Variants in R3HDM1 observed in about 807,000 individuals in gnomAD.
R3HDM1 encodes the protein R3H domain-containing protein 1.
R3HDM1 carries 46 observed loss-of-function variants against 141.1 expected under a neutral mutation model. The ratio of observed to expected loss-of-function variants is 0.33; its 90% CI spans 0.26 to 0.42. R3HDM1 has a LOEUF of 0.42. Ranked by LOEUF, R3HDM1 falls within the 10% of genes least tolerant of loss-of-function variation. The pLI is 1.00. For synonymous variants in R3HDM1, 435 were observed against 472.9 expected, an observed-to-expected ratio of 0.92 and a Z score of 1.04; for missense variants, 1,184 against 1,368.3, an observed-to-expected ratio of 0.87 and a Z score of 2.12.
chr2:135,700,474 A>G (rs2074048688), intron 21 of R3HDM1, among the ~76,000 whole-genome samples: 1 of 152,208 alleles, frequency 6.6e-6, no homozygotes, highest in African/African-American at 2.4e-5. Flanking sequence ...CTATTAAGTA[A>G]TATTATTAAG....
intron 15 of R3HDM1, among the ~76,000 whole-genome samples, chr2:135,644,169 A>G (rs938951757): frequency 6.6e-6 from 1 of 152,164 alleles, no homozygotes; most frequent in African/African-American, 2.4e-5. Flanking sequence ...TTCTTAAAAC[A>G]AATGTTACTT....
chr2:135,637,800 T>C (rs896429333), intron 11 of R3HDM1, among the ~76,000 whole-genome samples: 2 of 152,218 alleles, frequency 1.3e-5, no homozygotes, highest in Non-Finnish European at 2.9e-5. Flanking sequence ...GTTTCGTTTT[T>C]TACTTTTGGC....
At chr2:135,702,649 C>CAA (rs753918013) in intron 21 of R3HDM1, among the ~76,000 whole-genome samples, 15 of 71,410 alleles carry the variant, frequency 2.1e-4, no homozygotes, top group Non-Finnish European at 2.7e-4. Context: ...GACTCCGTCT[C>CAA]AAAAAAAAAA....
At chr2:135,683,534 GCA>G (rs2070715029) in intron 21 of R3HDM1, among the ~76,000 whole-genome samples, 1 of 136,734 alleles carries the variant, frequency 7.3e-6, no homozygotes, top group Non-Finnish European at 1.5e-5. Context: ...AGCCTGGGCA[GCA>G]GAGTAAGAAC....
At chr2:135,658,953 T>C (rs2066275780) in intron 18 of R3HDM1, among the ~76,000 whole-genome samples, 1 of 152,096 alleles carries the variant, frequency 6.6e-6, no homozygotes. Context: ...TCAGAGGCAG[T>C]AACACACGTG....
At chr2:135,539,130 TA>T (rs1696894152) in intron 1 of R3HDM1, among the ~76,000 whole-genome samples, 1 of 152,194 alleles carries the variant, frequency 6.6e-6, no homozygotes, top group East Asian at 1.9e-4. Flanking sequence ...TTTTCTGGAA[TA>T]CCTCTTCAAG....
chr2:135,698,978 C>G (rs549396560), intron 21 of R3HDM1, among the ~76,000 whole-genome samples: 21 of 129,944 alleles, frequency 1.6e-4, no homozygotes, highest in African/African-American at 5.1e-4. Flanking sequence ...CAATATTACA[C>G]TCAGATAGAT....
At chr2:135,531,723 G>A in intron 1 of R3HDM1, 90 bp downstream of exon 1, 1 of 986,094 alleles carries the variant, frequency 1.0e-6, no homozygotes, top group Non-Finnish European at 1.2e-6. Context: ...AGCGCTAACG[G>A]AGAAGGAGGC....
intron 15 of R3HDM1, among the ~76,000 whole-genome samples, chr2:135,643,053 G>A (rs1253273942): frequency 1.3e-5 from 2 of 152,092 alleles, no homozygotes; most frequent in African/African-American, 2.4e-5. Flanking sequence ...ATTTGCTTAG[G>A]AAGGGATAGA....
intron 19 of R3HDM1, among the ~76,000 whole-genome samples, chr2:135,666,229 G>A (rs2067474375): frequency 6.6e-6 from 1 of 152,162 alleles, no homozygotes; most frequent in African/African-American, 2.4e-5. Flanking sequence ...TGTAAAAGGC[G>A]AGCAAAGAAA....
At chr2:135,667,716 A>G (rs1380481263) in intron 19 of R3HDM1, 1 of 981,118 alleles carries the variant, frequency 1.0e-6, no homozygotes, top group Admixed American at 6.2e-5. Context: ...TTCTCTAGAA[A>G]TCTACTTCTC....
chr2:135,568,144 T>C (rs1333879307), intron 1 of R3HDM1, among the ~76,000 whole-genome samples: 2 of 151,748 alleles, frequency 1.3e-5, no homozygotes, highest in African/African-American at 4.8e-5. Context: ...CAGCCTCAAC[T>C]TCCCCAGACT....
chr2:135,552,008 T>C (rs551535723), intron 1 of R3HDM1, among the ~76,000 whole-genome samples: 2 of 152,318 alleles, frequency 1.3e-5, no homozygotes, highest in African/African-American at 4.8e-5. Context: ...TTAGCATAAA[T>C]TATCCATCAT....
intron 1 of R3HDM1, among the ~76,000 whole-genome samples, chr2:135,555,400 A>G (rs1295072152): frequency 1.3e-5 from 2 of 152,162 alleles, no homozygotes; most frequent in Non-Finnish European, 2.9e-5. Flanking sequence ...AAAATCAGAT[A>G]ATAACAACAG....
chr2:135,548,654 A>G (rs1213968160), intron 1 of R3HDM1, among the ~76,000 whole-genome samples: 1 of 151,722 alleles, frequency 6.6e-6, no homozygotes, highest in Non-Finnish European at 1.5e-5. Flanking sequence ...GCTGTCTAGG[A>G]TTTACATAAA....
chr2:135,540,071 T>C (rs1420849391), intron 1 of R3HDM1, among the ~76,000 whole-genome samples: 1 of 152,276 alleles, frequency 6.6e-6, no homozygotes, highest in Non-Finnish European at 1.5e-5. Context: ...TTGTGTAATA[T>C]TCTAAATCCT....
intron 3 of R3HDM1, among the ~76,000 whole-genome samples, chr2:135,612,394 ATTTT>A (rs933979060): frequency 6.6e-6 from 1 of 152,108 alleles, no homozygotes; most frequent in Non-Finnish European, 1.5e-5. Context: ...AATTATTCCT[ATTTT>A]TTAAATGTCA....
chr2:135,533,868 C>T, intron 1 of R3HDM1: 2 of 512,162 alleles, frequency 3.9e-6, no homozygotes, highest in Non-Finnish European at 2.5e-6. Flanking sequence ...AGCGAAACTC[C>T]ATCTTAAAAA....
intron 1 of R3HDM1, chr2:135,577,040 A>G (rs1705601497): frequency 1.2e-6 from 1 of 864,796 alleles, no homozygotes; most frequent in Non-Finnish European, 1.4e-6. Flanking sequence ...TAGCTGTTAC[A>G]AAAGAAAAAA....
Sources: allele counts gnomAD v4.1 joint callset (sites outside exome capture counted in the v4.1 genomes callset), GRCh38; gene constraint gnomAD v4.1.1; transcripts MANE v1.5; gene names NCBI Gene and HGNC (gene_info 2026-07-23, HGNC 2026-07-21).